Variants in RABGAP1L observed in about 807,000 individuals in gnomAD.
RABGAP1L encodes the protein RAB GTPase activating protein 1 like.
A neutral mutation model predicts 137.7 loss-of-function variants in RABGAP1L; 63 were observed. The observed-to-expected ratio is 0.46, with a 90% CI of 0.37 to 0.56. The LOEUF is 0.56. Ranked by LOEUF, RABGAP1L falls within the 20% of genes least tolerant of loss-of-function variation. The pLI, the probability that RABGAP1L is intolerant of heterozygous loss-of-function variation, is 0.00. For synonymous variants in RABGAP1L, 431 were observed against 433.7 expected (o/e 0.99, Z 0.08); for missense variants, 1,095 against 1,244.0 (o/e 0.88, Z 1.80).
At chr1:174,456,648 T>C (rs1237714555) in intron 13 of RABGAP1L, among the ~76,000 whole-genome samples, 1 of 152,080 alleles carries the variant, frequency 6.6e-6, no homozygotes, top group African/African-American at 2.4e-5. Flanking sequence ...TTTATTTCAA[T>C]GAAATAAATA....
rs1428128033 is a variant in RABGAP1L, at chr1:174,696,600, C to T, written c.1900-2925C>T. 2.0e-5 allele frequency among the ~76,000 whole-genome samples: 3 copies of T among 152,256 alleles called. No homozygotes were observed. In the East Asian group the frequency reaches 5.8e-4, roughly 29 times the overall value. ...CTGTCTGGGGCCAGTCTGAATCCTT[C>T]CTTGTTGTGTGCCTGCTAAATTCTG... On this transcript the variant is annotated intron_variant, in intron 15 of 25. Coordinates refer to ENST00000681986, the MANE Select transcript of RABGAP1L (RefSeq NM_001366446.1).
intron 6 of RABGAP1L, among the ~76,000 whole-genome samples, chr1:174,251,281 T>C (rs1031398741): frequency 6.6e-6 from 1 of 152,126 alleles, no homozygotes; most frequent in African/African-American, 2.4e-5. Flanking sequence ...CTTTTTTTTT[T>C]CTTTATGTTA....
chr1:174,578,623 A>ATG (rs1479137180), intron 13 of RABGAP1L, among the ~76,000 whole-genome samples: 12 of 152,226 alleles, frequency 7.9e-5, no homozygotes, highest in Non-Finnish European at 1.5e-4. Context: ...ACATTTGTGA[A>ATG]GAGGTTAATT....
intron 1 of RABGAP1L, among the ~76,000 whole-genome samples, chr1:174,183,813 T>G (rs536450181): frequency 3.0e-4 from 45 of 152,182 alleles, no homozygotes; most frequent in African/African-American, 1.1e-3. Flanking sequence ...TACTTTTGCC[T>G]TTTCCAGAAT....
chr1:174,389,696 TATTC>T (rs1483490150), intron 12 of RABGAP1L, among the ~76,000 whole-genome samples: 7 of 152,190 alleles, frequency 4.6e-5, no homozygotes, highest in African/African-American at 1.4e-4. Context: ...TTCATAATTA[TATTC>T]ATTCACTTAC....
chr1:174,659,710 A>G (rs1357416555), intron 14 of RABGAP1L, among the ~76,000 whole-genome samples: 1 of 152,160 alleles, frequency 6.6e-6, no homozygotes, highest in Admixed American at 6.5e-5. Flanking sequence ...TATATATTCA[A>G]TTGCCTATTT....
chr1:174,348,351 T>C (rs1363983887), intron 11 of RABGAP1L, among the ~76,000 whole-genome samples: 1 of 150,052 alleles, frequency 6.7e-6, no homozygotes, highest in Non-Finnish European at 1.5e-5. Flanking sequence ...ACCAACCTAG[T>C]AACAAACAAG....
chr1:174,279,195 CAAT>C (rs1160777278), intron 10 of RABGAP1L, among the ~76,000 whole-genome samples: 1 of 151,990 alleles, frequency 6.6e-6, no homozygotes, highest in Non-Finnish European at 1.5e-5. Flanking sequence ...ATTAGATAGA[CAAT>C]ATTATATGAA....
At chr1:174,433,688 G>T (rs1424251079) in intron 13 of RABGAP1L, among the ~76,000 whole-genome samples, 1 of 152,110 alleles carries the variant, frequency 6.6e-6, no homozygotes, top group Non-Finnish European at 1.5e-5. Flanking sequence ...GTATGTGCAG[G>T]CTGGATATAC....
rs576103331 is a variant in RABGAP1L, at chr1:174,170,493, G to A, written c.-34+10836G>A. ...GAGATTGAGACCATCCTGGCCACAT[G>A]GTGAAACCCCATCTCTACTAAAAAT... is the stretch of plus-strand genomic sequence containing the variant. On this transcript the variant is annotated intron_variant, in intron 1 of 25. Transcript: ENST00000681986. Among the ~76,000 whole-genome samples the A allele has an allele frequency of 2.6e-5, 4 of 151,882 alleles. No homozygotes were observed. In the South Asian group the frequency reaches 8.4e-4, roughly 32 times the overall value.
intron 13 of RABGAP1L, among the ~76,000 whole-genome samples, chr1:174,431,578 T>A (rs1652633441): frequency 6.6e-6 from 1 of 152,182 alleles, no homozygotes; most frequent in South Asian, 2.1e-4. Context: ...AAAAAATTCT[T>A]ATAAGCTTAG....
intron 19 of RABGAP1L, among the ~76,000 whole-genome samples, chr1:174,866,828 AC>A (rs984274895): frequency 6.6e-6 from 1 of 151,960 alleles, no homozygotes; most frequent in Non-Finnish European, 1.5e-5. Flanking sequence ...GAGGAGGATT[AC>A]CTGAGCCTGG....
chr1:174,247,375 G>A (rs1264225538), intron 5 of RABGAP1L, among the ~76,000 whole-genome samples: 2 of 152,184 alleles, frequency 1.3e-5, no homozygotes, highest in South Asian at 2.1e-4. Context: ...CCTAACAGCA[G>A]TTAGTGTGGC....
intron 4 of RABGAP1L, among the ~76,000 whole-genome samples, chr1:174,234,400 G>T (rs1670967281): frequency 7.3e-6 from 1 of 137,104 alleles, no homozygotes; most frequent in African/African-American, 3.3e-5. Context: ...ATGGTTTTAG[G>T]TCTAACGTTT....
At chr1:174,684,877 A>T (rs1215174133) in intron 15 of RABGAP1L, among the ~76,000 whole-genome samples, 1 of 152,128 alleles carries the variant, frequency 6.6e-6, no homozygotes, top group Non-Finnish European at 1.5e-5. Context: ...GCTACCTGGG[A>T]GGCTGAAGTG....
intron 14 of RABGAP1L, among the ~76,000 whole-genome samples, chr1:174,679,811 G>A (rs1466205887): frequency 6.6e-6 from 1 of 152,082 alleles, no homozygotes; most frequent in African/African-American, 2.4e-5. Flanking sequence ...GGCATTTCTG[G>A]GAAGACAGTA....
In RABGAP1L at chr1:174,814,934, C is replaced by T. The variant is rs756497386; in HGVS notation, c.2340+2974C>T. On this transcript the variant is annotated intron_variant, in intron 19 of 25. Transcript: ENST00000681986. Reference sequence around the variant, plus strand: ...AACTCCTGACCCCAAGTAATCCGTCCGTCTCAGCTTCCCAAAGTGCTGGGA... The same window carrying T: ...AACTCCTGACCCCAAGTAATCCGTCTGTCTCAGCTTCCCAAAGTGCTGGGA... Among the ~76,000 whole-genome samples the T allele has an allele frequency of 6.6e-5, 10 of 152,114 alleles. No individual in the cohort carries two copies. In the East Asian group the frequency reaches 7.7e-4, roughly 12 times the overall value.
intron 13 of RABGAP1L, among the ~76,000 whole-genome samples, chr1:174,408,476 C>T (rs1261723618): frequency 6.6e-6 from 1 of 152,104 alleles, no homozygotes; most frequent in Non-Finnish European, 1.5e-5. Context: ...TTGATGGGCA[C>T]TTGTGTTGAC....
intron 11 of RABGAP1L, among the ~76,000 whole-genome samples, chr1:174,340,451 C>T (rs1456931908): frequency 6.6e-6 from 1 of 152,142 alleles, no homozygotes; most frequent in Non-Finnish European, 1.5e-5. Context: ...AGACAGGCCC[C>T]AGTGTGTGTT....
Sources: allele counts gnomAD v4.1 joint callset (sites outside exome capture counted in the v4.1 genomes callset), GRCh38; gene constraint gnomAD v4.1.1; transcripts MANE v1.5; gene names NCBI Gene and HGNC (gene_info 2026-07-23, HGNC 2026-07-21).